SLA: variants seen among roughly 807,000 people sequenced by gnomAD.
SLA encodes src-like-adapter.
Under a neutral mutation model 30.3 loss-of-function variants are expected in SLA, and 16 were observed. That is an observed-to-expected ratio of 0.53 (90% CI 0.36 to 0.80). The LOEUF (loss-of-function observed/expected upper bound fraction) is 0.80, where lower values mean the gene tolerates loss of function less well. Among genes scored for constraint, SLA ranks in the 30% least tolerant of loss-of-function variants. The pLI, the probability that SLA is intolerant of heterozygous loss-of-function variation, is 0.01. For missense variants in SLA, 310 were observed against 345.2 expected, an observed-to-expected ratio of 0.90 and a Z score of 0.81; for synonymous variants, 143 against 137.8, an observed-to-expected ratio of 1.04 and a Z score of -0.26.
chr8:133,056,192 T>C (rs1841418558), intron 3 of SLA, among the ~76,000 whole-genome samples: 1 of 152,202 alleles, frequency 6.6e-6, no homozygotes, highest in Admixed American at 6.5e-5. Flanking sequence ...AAAACTTGAG[T>C]GCTATTCTAA....
intron 7 of SLA, among the ~76,000 whole-genome samples, chr8:133,042,913 C>T (rs1349912067): frequency 1.3e-5 from 2 of 151,754 alleles, no homozygotes; most frequent in South Asian, 2.1e-4. Flanking sequence ...AGACTAGCCT[C>T]GAACTCCTGA....
intron 2 of SLA, among the ~76,000 whole-genome samples, chr8:133,066,489 A>G (rs1460287278): frequency 6.6e-6 from 1 of 152,236 alleles, no homozygotes; most frequent in Non-Finnish European, 1.5e-5. Flanking sequence ...AAATGTTTCC[A>G]AGGACTCTCT....
chr8:133,072,499 C>G (rs1844218433), intron 2 of SLA, among the ~76,000 whole-genome samples: 1 of 152,188 alleles, frequency 6.6e-6, no homozygotes, highest in Admixed American at 6.5e-5. Flanking sequence ...AATGTATGAA[C>G]AGGACCCTTG....
chr8:133,066,762 T>C (rs1171174710), intron 2 of SLA, among the ~76,000 whole-genome samples: 1 of 152,230 alleles, frequency 6.6e-6, no homozygotes, highest in Non-Finnish European at 1.5e-5. Context: ...GGGATACAAG[T>C]ATATGCCCTA....
chr8:133,096,013 G>A (rs1848354184), intron 1 of SLA, among the ~76,000 whole-genome samples: 2 of 152,224 alleles, frequency 1.3e-5, no homozygotes, highest in East Asian at 3.8e-4. Flanking sequence ...ATTGCTGAGA[G>A]TGAGATTCAT....
rs1842156767 is a variant in SLA at position 133,060,130 on chromosome 8, G to A, written c.31C>T (p.Pro11Ser). Residue 11 changes from proline (P) to serine (S), a missense_variant, in exon 3 of 9, where the codon CCT becomes TCT. Physicochemically the swap from Pro to Ser is moderately conservative, Grantham distance 74 (BLOSUM62 -1). Coordinates refer to ENST00000338087, the MANE Select transcript of SLA (RefSeq NM_001045556.3). ...GGGTTGGGCAGGGGCCTCTCGGCAG[G>A]CGCAGGGGTGGATTTCATGCTGTTT... MGNSMKSTPA[P>S]AERPLPNPEG... The A allele has an allele frequency of 6.2e-7, 1 of 1,610,978 alleles. No homozygotes were observed. The highest frequency in any genetic ancestry group is 8.5e-7 in the Non-Finnish European group (1 of 1,179,142).
intron 2 of SLA, among the ~76,000 whole-genome samples, chr8:133,070,094 G>A (rs1218430630): frequency 3.3e-5 from 5 of 151,606 alleles, no homozygotes; most frequent in Non-Finnish European, 5.9e-5. Flanking sequence ...CTAGGAGACC[G>A]CGGATTTGTG....
At chr8:133,084,131 A>G (rs1445611430) in intron 1 of SLA, among the ~76,000 whole-genome samples, 3 of 152,114 alleles carry the variant, frequency 2.0e-5, no homozygotes, top group Admixed American at 6.5e-5. Context: ...GAGCTGGCCC[A>G]TGGCATTTAC....
intron 3 of SLA, among the ~76,000 whole-genome samples, chr8:133,053,077 G>T (rs780499726): frequency 6.6e-6 from 1 of 152,138 alleles, no homozygotes; most frequent in African/African-American, 2.4e-5. Context: ...CAGAGCCTCC[G>T]GATAGGCTGT....
intron 2 of SLA, among the ~76,000 whole-genome samples, chr8:133,062,275 C>A (rs907966922): frequency 1.1e-4 from 16 of 152,214 alleles, no homozygotes; most frequent in African/African-American, 3.9e-4. Flanking sequence ...CTGGTAGGAA[C>A]TTTCTAGCAG....
rs1844648891 is a variant in SLA at position 133,075,033 on chromosome 8, C to T, written c.-221G>A. 2.0e-6 allele frequency: 2 copies of T among 985,318 alleles called. No homozygotes were observed. The highest frequency in any genetic ancestry group is 4.7e-5 in the South Asian group (1 of 21,288). 61.0% of individuals were successfully genotyped at this position (985,318 alleles called of 1,614,324 possible). On this transcript the variant is annotated 5_prime_UTR_variant, in exon 2 of 9. An upstream start codon of the reference 5' UTR is lost. Transcript: ENST00000338087. ...AGAACTGCAGTTGCTAAACTGGCCG[C>T]ATACTTCCTCTGCTAGGAACGAGGA...
At chr8:133,091,672 G>A (rs1395235876) in intron 1 of SLA, among the ~76,000 whole-genome samples, 5 of 152,036 alleles carry the variant, frequency 3.3e-5, no homozygotes, top group African/African-American at 2.4e-5. Context: ...CTGTGCGTGT[G>A]TGTCTCTGTG....
At chr8:133,084,485 A>T (rs926744306) in intron 1 of SLA, among the ~76,000 whole-genome samples, 2 of 152,246 alleles carry the variant, frequency 1.3e-5, no homozygotes, top group Admixed American at 6.5e-5. Context: ...GCTATCACTC[A>T]TGGTGTCACT....
At chr8:133,056,096 T>C (rs928492556) in intron 3 of SLA, among the ~76,000 whole-genome samples, 3 of 152,194 alleles carry the variant, frequency 2.0e-5, no homozygotes, top group Non-Finnish European at 2.9e-5. Flanking sequence ...AGGGCATGGC[T>C]GTGTTTGAAC....
chr8:133,075,067 G>A lies in SLA; in HGVS notation c.-255C>T. On this transcript the variant is annotated 5_prime_UTR_variant, in exon 2 of 9. Transcript: ENST00000338087. The stretch of plus-strand genomic sequence containing the variant: ...TCTGCTAGGAACGAGGAAGGCACAG[G>A]GCTTGCAGAAGGGCAGGTTCCTGTT... 1.0e-6 allele frequency: 1 copy of A among 985,428 alleles called. No homozygotes were observed. Among genetic ancestry groups the A allele is most frequent in the Non-Finnish European group, 1.2e-6 (1 of 829,924 alleles). 61.0% of individuals were successfully genotyped at this position (985,428 alleles called of 1,614,324 possible). A position where few individuals can be genotyped will look rare whatever the true frequency, so the allele number is the denominator to read the frequency against.
At chr8:133,049,402 A>G (rs181191496) in intron 5 of SLA, 2 of 297,122 alleles carry the variant, frequency 6.7e-6, no homozygotes, top group South Asian at 3.1e-5. Context: ...CACATGTATC[A>G]TTACATCTTA....
rs1483998013 is a variant in SLA, at chr8:133,037,320, T to G, written c.*1204A>C. ...ATTATGCATGACATCATTAATCCAC[T>G]TGGACTCCCCATCTTTCCTGGAGCT... On this transcript the variant is annotated 3_prime_UTR_variant, in exon 9 of 9. Transcript: ENST00000338087. The G allele has an allele frequency of 6.6e-6, 1 of 152,244 alleles. No homozygotes were observed. Among genetic ancestry groups the G allele is most frequent in the Non-Finnish European group, 1.5e-5 (1 of 68,056 alleles). 9.4% of individuals were successfully genotyped at this position (152,244 alleles called of 1,614,324 possible).
chr8:133,078,798 A>G (rs1178984355), intron 1 of SLA, among the ~76,000 whole-genome samples: 2 of 152,238 alleles, frequency 1.3e-5, no homozygotes, highest in Non-Finnish European at 2.9e-5. Context: ...TCGTGTATGT[A>G]TAACCTATAT....
At chr8:133,101,785 A>G (rs529834193) in intron 1 of SLA, among the ~76,000 whole-genome samples, 1 of 152,318 alleles carries the variant, frequency 6.6e-6, no homozygotes, top group South Asian at 2.1e-4. Flanking sequence ...ATGGACATCT[A>G]TTCCAAGACC....
Sources: gnomAD v4.1 joint callset for allele counts (sites outside exome capture counted in the v4.1 genomes callset) on GRCh38, gnomAD v4.1.1 for gene constraint, MANE v1.5 for transcripts, NCBI Gene and HGNC (gene_info 2026-07-23, HGNC 2026-07-21) for gene names.